DTD1: variants seen among roughly 807,000 people sequenced by gnomAD.
DTD1 encodes D-tyrosyl-tRNA deacylase 1 homolog.
DTD1 carries 13 observed loss-of-function variants against 25.6 expected under a neutral mutation model. That is an observed-to-expected ratio of 0.51 (90% CI 0.33 to 0.81). The LOEUF is 0.81. Among genes scored for constraint, DTD1 ranks in the 30% least tolerant of loss-of-function variants. The pLI, the probability that DTD1 is intolerant of heterozygous loss-of-function variation, is 0.02. For synonymous variants in DTD1, 110 were observed against 103.6 expected, an observed-to-expected ratio of 1.06 and a Z score of -0.37; for missense variants, 193 against 266.4, an observed-to-expected ratio of 0.72 and a Z score of 1.92.
intron 4 of DTD1, among the ~76,000 whole-genome samples, chr20:18,695,142 G>T (rs1010347210): frequency 1.3e-5 from 2 of 152,006 alleles, no homozygotes; most frequent in African/African-American, 4.8e-5. Flanking sequence ...GCCCTCAGGA[G>T]AAATGAAAAA....
chr20:18,663,008 A>G (rs1349048782), intron 4 of DTD1, among the ~76,000 whole-genome samples: 1 of 152,098 alleles, frequency 6.6e-6, no homozygotes, highest in Non-Finnish European at 1.5e-5. Flanking sequence ...TGGGGCAGGA[A>G]CCATGTGTCT....
intron 4 of DTD1, among the ~76,000 whole-genome samples, chr20:18,710,484 C>G (rs1413363491): frequency 6.6e-6 from 1 of 151,960 alleles, no homozygotes; most frequent in Non-Finnish European, 1.5e-5. Context: ...AGAGATTACT[C>G]TCATTCAAAT....
chr20:18,588,705 G>A (rs1364177109), intron 1 of DTD1: 1 of 985,114 alleles, frequency 1.0e-6, no homozygotes, highest in Non-Finnish European at 1.2e-6. Flanking sequence ...CCTCGCCCTC[G>A]CCCGCTGAAC....
At chr20:18,693,047 C>G (rs1347194637) in intron 4 of DTD1, among the ~76,000 whole-genome samples, 1 of 151,954 alleles carries the variant, frequency 6.6e-6, no homozygotes, top group Non-Finnish European at 1.5e-5. Flanking sequence ...CGTGTCACCA[C>G]GCCTGGCTAA....
chr20:18,738,450 A>T (rs1165970197), intron 4 of DTD1, among the ~76,000 whole-genome samples: 1 of 152,200 alleles, frequency 6.6e-6, no homozygotes, highest in Non-Finnish European at 1.5e-5. Context: ...CTAAGGGGAA[A>T]GCTGGTTCAG....
chr20:18,755,733 G>A (rs1274710016), intron 5 of DTD1, among the ~76,000 whole-genome samples: 3 of 152,304 alleles, frequency 2.0e-5, no homozygotes, highest in Admixed American at 6.5e-5. Flanking sequence ...ATAAACATAC[G>A]TGTGCATATG....
At chr20:18,716,360 G>A (rs548449494) in intron 4 of DTD1, among the ~76,000 whole-genome samples, 1 of 152,276 alleles carries the variant, frequency 6.6e-6, no homozygotes, top group South Asian at 2.1e-4. Context: ...TGGCACGTGG[G>A]GTCTGACTGG....
At chr20:18,696,051 T>C (rs1019324469) in intron 4 of DTD1, among the ~76,000 whole-genome samples, 1 of 152,128 alleles carries the variant, frequency 6.6e-6, no homozygotes, top group South Asian at 2.1e-4. Context: ...GAGAAATTGT[T>C]TTCCCTTAAA....
intron 4 of DTD1, among the ~76,000 whole-genome samples, chr20:18,686,879 G>T (rs1160473893): frequency 6.6e-6 from 1 of 152,166 alleles, no homozygotes; most frequent in African/African-American, 2.4e-5. Flanking sequence ...TTTATGAGAA[G>T]TTGCACCACC....
chr20:18,663,746 G>C (rs1244143085), intron 4 of DTD1, among the ~76,000 whole-genome samples: 2 of 152,202 alleles, frequency 1.3e-5, no homozygotes, highest in Non-Finnish European at 2.9e-5. Flanking sequence ...GGCTACGGAG[G>C]CCTCATGAAA....
At chr20:18,662,495 C>G in intron 4 of DTD1, among the ~76,000 whole-genome samples, 1 of 152,190 alleles carries the variant, frequency 6.6e-6, no homozygotes, top group East Asian at 1.9e-4. Context: ...CCTAACCTGA[C>G]TGAGCAATTC....
At chr20:18,755,089 C>G (rs948080052) in intron 5 of DTD1, among the ~76,000 whole-genome samples, 2 of 152,232 alleles carry the variant, frequency 1.3e-5, no homozygotes, top group African/African-American at 4.8e-5. Context: ...AGGATCCCTT[C>G]CAGTTCTGTG....
intron 3 of DTD1, among the ~76,000 whole-genome samples, chr20:18,606,318 A>G (rs1217062469): frequency 7.6e-6 from 1 of 131,690 alleles, no homozygotes; most frequent in East Asian, 2.1e-4. Flanking sequence ...GAACACTTTT[A>G]CACTGTTGGT....
chr20:18,681,681 T>C (rs1296561449), intron 4 of DTD1, among the ~76,000 whole-genome samples: 1 of 152,112 alleles, frequency 6.6e-6, no homozygotes, highest in East Asian at 1.9e-4. Context: ...AGTTATCCTT[T>C]AGAAATGAAA....
At chr20:18,617,631 C>G (rs772068867) in intron 3 of DTD1, among the ~76,000 whole-genome samples, 7 of 152,072 alleles carry the variant, frequency 4.6e-5, no homozygotes, top group African/African-American at 9.7e-5. Flanking sequence ...AAGGTCTAAA[C>G]TGGAAAGGTT....
chr20:18,740,635 GA>G (rs2061274189), intron 4 of DTD1, among the ~76,000 whole-genome samples: 1 of 152,204 alleles, frequency 6.6e-6, no homozygotes, highest in African/African-American at 2.4e-5. Flanking sequence ...GTCTAGCATG[GA>G]TTGCTAACTT....
chr20:18,670,093 C>T (rs2060946475), intron 4 of DTD1, among the ~76,000 whole-genome samples: 1 of 152,288 alleles, frequency 6.6e-6, no homozygotes, highest in South Asian at 2.1e-4. Flanking sequence ...GAATGGCAGG[C>T]ATGGGATGTC....
chr20:18,594,495 C>T lies in DTD1; in HGVS notation c.134+674C>T, dbSNP rs948355492. 5.9e-5 allele frequency among the ~76,000 whole-genome samples: 9 copies of T among 152,156 alleles called. No homozygotes were observed. The South Asian group carries it at 1.5e-3, about 25-fold the overall frequency. On this transcript the variant is annotated intron_variant, in intron 2 of 5. Coordinates refer to ENST00000377452, the MANE Select transcript of DTD1 (RefSeq NM_080820.6). ...CTTAATGATTGTTCACTTTATAGCT[C>T]CCATTCATTCCAGACATAAAATCAG...
chr20:18,600,225 T>C (rs928691035), intron 3 of DTD1, among the ~76,000 whole-genome samples: 1 of 152,366 alleles, frequency 6.6e-6, no homozygotes. Context: ...TTCTAGGAGC[T>C]TTATAGGTTT....
Sources: allele counts gnomAD v4.1 joint callset (sites outside exome capture counted in the v4.1 genomes callset), GRCh38; gene constraint gnomAD v4.1.1; transcripts MANE v1.5; gene names NCBI Gene and HGNC (gene_info 2026-07-23, HGNC 2026-07-21).